Variants in MEP1A observed in about 807,000 individuals in gnomAD.
MEP1A encodes the protein N-benzoyl-L-tyrosyl-P-amino-benzoic acid hydrolase subunit alpha.
MEP1A carries 68 observed loss-of-function variants against 84.5 expected under a neutral mutation model. The observed-to-expected ratio is 0.80, with a 90% CI of 0.66 to 0.98. MEP1A has a LOEUF of 0.98. Among genes scored for constraint, MEP1A ranks in the 50% least tolerant of loss-of-function variants. The pLI is 0.00. For synonymous variants in MEP1A, 337 were observed against 336.8 expected, an observed-to-expected ratio of 1.00 and a Z score of -0.01; for missense variants, 887 against 919.9, an observed-to-expected ratio of 0.96 and a Z score of 0.46.
chr6:46,840,525 C>T (rs1369349144), downstream of MEP1A, among the ~76,000 whole-genome samples: 1 of 152,194 alleles, frequency 6.6e-6, no homozygotes, highest in African/African-American at 2.4e-5. Flanking sequence ...CCTTGAGAAC[C>T]ACTGCTCTAG....
At chr6:46,825,181 CT>C (rs1324197849) in intron 7 of MEP1A, 90 bp from the exon 8 acceptor site, 1 of 517,006 alleles carries the variant, frequency 1.9e-6, no homozygotes, top group African/African-American at 2.0e-5. Flanking sequence ...AACTATTTCC[CT>C]TTTTTGGAGG....
At chr6:46,825,077 TA>T (rs1370855458) in intron 7 of MEP1A, among the ~76,000 whole-genome samples, 194 bp from the exon 8 acceptor site, 6 of 126,162 alleles carry the variant, frequency 4.8e-5, no homozygotes, top group Admixed American at 1.6e-4. Context: ...TAAATCTATT[TA>T]AATATTTATA....
At position 46,826,407 on chromosome 6, in the gene MEP1A, G is replaced by T; in HGVS notation, c.832G>T (p.Gly278Ter). 1 of 1,610,170 alleles carries T rather than the reference G, an allele frequency of 6.2e-7. No homozygotes were observed. Among genetic ancestry groups the T allele is most frequent in the Non-Finnish European group, 8.5e-7 (1 of 1,178,150 alleles). The change falls in exon 9 of 14, where the codon GGA becomes TGA. Residue 278 changes from glycine (G) to a stop codon, truncating the protein, a stop_gained. Transcript: ENST00000230588. LOFTEE classifies it high-confidence loss of function. ...TACTTTTGAGAAGGCAAACATCTGT[G>T]GAATGATTCAGGGCACCAGAGATGA... ...HCTFEKANIC[G>*]MIQGTRDDTD...
intron 3 of MEP1A, among the ~76,000 whole-genome samples, chr6:46,794,178 A>C (rs1428568444): frequency 6.6e-6 from 1 of 152,204 alleles, no homozygotes; most frequent in African/African-American, 2.4e-5. Flanking sequence ...CATCTCATTT[A>C]CAAATATATT....
chr6:46,830,118 C>T (rs1768046343), intron 10 of MEP1A, among the ~76,000 whole-genome samples: 3 of 151,564 alleles, frequency 2.0e-5, no homozygotes, highest in African/African-American at 7.3e-5. Context: ...CATGGTGGCG[C>T]GCGCGCATGT....
chr6:46,845,307 A>G, the MEP1A span, among the ~76,000 whole-genome samples: 12 of 152,356 alleles, frequency 7.9e-5, no homozygotes, highest in South Asian at 2.5e-3. Context: ...ATAACGGGAC[A>G]TAATGGCCAG....
intron 5 of MEP1A, among the ~76,000 whole-genome samples, chr6:46,808,770 C>A (rs1767421410): frequency 6.6e-6 from 1 of 152,014 alleles, no homozygotes; most frequent in Non-Finnish European, 1.5e-5. Flanking sequence ...GGGTGCTGAG[C>A]TCGGGATACA....
chr6:46,807,469 T>A (rs1390195410), intron 5 of MEP1A, among the ~76,000 whole-genome samples: 1 of 144,508 alleles, frequency 6.9e-6, no homozygotes, highest in Non-Finnish European at 1.5e-5. Context: ...AGCCTAGGAG[T>A]TCAAGTCGAG....
chr6:46,823,764 C>G (rs902505457), intron 7 of MEP1A, among the ~76,000 whole-genome samples: 2 of 152,174 alleles, frequency 1.3e-5, no homozygotes, highest in African/African-American at 4.8e-5. Context: ...AATCTGCAAA[C>G]CTTTCCATTA....
At chr6:46,827,107 G>A (rs968560311) in intron 9 of MEP1A, among the ~76,000 whole-genome samples, 1 of 152,152 alleles carries the variant, frequency 6.6e-6, no homozygotes, top group African/African-American at 2.4e-5. Flanking sequence ...TAGCCACATA[G>A]GTTTGGTAGC....
In MEP1A at chr6:46,809,466, T is replaced by A; in HGVS notation, c.309T>A (p.Arg103=). 1 of 1,610,046 alleles carries A rather than the reference T, an allele frequency of 6.2e-7. No individual in the cohort carries two copies. The highest frequency in any genetic ancestry group is 1.7e-5 in the Admixed American group (1 of 59,608). ...GAILYAFEMF[R]LKSCVDFKPY... is the part of the protein sequence containing the mutation. The stretch of plus-strand genomic sequence containing the variant: ...TTCTGTATGCCTTTGAGATGTTCCG[T>A]CTCAAGTCCTGTGTGGATTTCAAGC... The change falls in exon 6 of 14, where the codon CGT becomes CGA. Residue 103 remains arginine (R), a synonymous_variant. Transcript: ENST00000230588.
Position 46,826,394 on chromosome 6 carries a change from G to A in MEP1A, c.819G>A (p.Lys273=). ...HTLLDHCTFE[K]ANICGMIQGT... The stretch of plus-strand genomic sequence containing the variant: ...TTTTGGACCACTGTACTTTTGAGAA[G>A]GCAAACATCTGTGGAATGATTCAGG... The change falls in exon 9 of 14, where the codon AAG becomes AAA. Residue 273 remains lysine, a synonymous_variant. Transcript: ENST00000230588. 1.9e-6 allele frequency: 3 copies of A among 1,609,924 alleles called. No individual in the cohort carries two copies. The highest frequency in any genetic ancestry group is 1.7e-6 in the Non-Finnish European group (2 of 1,178,008).
chr6:46,826,577 T>A (rs1475971455), intron 9 of MEP1A, 74 bp downstream of exon 9: 11 of 1,276,498 alleles, frequency 8.6e-6, no homozygotes. Context: ...CCACCATGTT[T>A]TGCCTCAGTC....
chr6:46,835,643 G>C (rs370254615), intron 13 of MEP1A, 94 bp downstream of exon 13: 2 of 1,296,858 alleles, frequency 1.5e-6, no homozygotes, highest in South Asian at 2.6e-5. Context: ...AGAGTAGGGC[G>C]AAGACTACCT....
At chr6:46,819,822 G>A (rs907515063) in intron 7 of MEP1A, 118 bp downstream of exon 7, 71 of 1,115,710 alleles carry the variant, frequency 6.4e-5, no homozygotes, top group Non-Finnish European at 8.3e-5. Flanking sequence ...GAAAGACTCT[G>A]AAGAGGTTAT....
At chr6:46,803,604 T>C (rs1009674419) in intron 5 of MEP1A, among the ~76,000 whole-genome samples, 2 of 151,604 alleles carry the variant, frequency 1.3e-5, no homozygotes, top group Non-Finnish European at 3.0e-5. Context: ...CCTTTATTAT[T>C]TCCTTTCTCC....
intron 5 of MEP1A, among the ~76,000 whole-genome samples, chr6:46,804,437 A>T (rs925475048): frequency 5.3e-5 from 8 of 151,684 alleles, no homozygotes; most frequent in Non-Finnish European, 7.4e-5. Context: ...CATACTCATA[A>T]CCTAAATTAC....
chr6:46,829,547 T>G lies in MEP1A; in HGVS notation c.1120T>G (p.Leu374Val). The G allele has an allele frequency of 6.2e-7, 1 of 1,614,094 alleles. No homozygotes were observed. Among genetic ancestry groups the G allele is most frequent in the Non-Finnish European group, 8.5e-7 (1 of 1,179,976 alleles). The change falls in exon 10 of 14, where the codon TTG becomes GTG. Residue 374 changes from leucine (L) to valine (V), a missense_variant. Transcript: ENST00000230588. ...TGACAGCACAGGCAATGTTCGCAAG[T>G]TGGTGAAGGTGCAGACTTTTCAAGG... ...RDDSTGNVRK[L>V]VKVQTFQGDD...
At chr6:46,828,498 T>C (rs1767998551) in intron 9 of MEP1A, among the ~76,000 whole-genome samples, 1 of 152,188 alleles carries the variant, frequency 6.6e-6, no homozygotes, top group Non-Finnish European at 1.5e-5. Context: ...AGCACTATAC[T>C]GTACACTCAC....
Sources: allele counts gnomAD v4.1 joint callset (sites outside exome capture counted in the v4.1 genomes callset), GRCh38; gene constraint gnomAD v4.1.1; transcripts MANE v1.5; gene names NCBI Gene and HGNC (gene_info 2026-07-23, HGNC 2026-07-21).